Variants in RAD51B observed in about 807,000 individuals in gnomAD.
The protein encoded by RAD51B is RAD51 paralog B.
RAD51B carries 38 observed loss-of-function variants against 42.2 expected under a neutral mutation model. That is an observed-to-expected ratio of 0.90 (90% CI 0.70 to 1.18). The LOEUF (loss-of-function observed/expected upper bound fraction) is 1.18, where lower values mean the gene tolerates loss of function less well. Ranked by LOEUF, RAD51B falls within the 50% of genes most tolerant of loss-of-function variation. RAD51B has a pLI of 0.00. For missense variants in RAD51B, 373 were observed against 400.7 expected, an observed-to-expected ratio of 0.93 and a Z score of 0.59; for synonymous variants, 154 against 145.2, an observed-to-expected ratio of 1.06 and a Z score of -0.43.
At chr14:68,456,108 A>G (rs946549670) in intron 9 of RAD51B, among the ~76,000 whole-genome samples, 1 of 152,256 alleles carries the variant, frequency 6.6e-6, no homozygotes, top group Admixed American at 6.5e-5. Flanking sequence ...AAAATTGTAC[A>G]CTAGAAAAAT....
intron 10 of RAD51B, among the ~76,000 whole-genome samples, chr14:68,583,168 A>G (rs77460539): frequency 6.6e-6 from 1 of 152,164 alleles, no homozygotes; most frequent in Non-Finnish European, 1.5e-5. Flanking sequence ...AAAAAAATTT[A>G]AAAAAGAAAT....
At chr14:68,248,989 C>CG (rs2080561035) in intron 7 of RAD51B, among the ~76,000 whole-genome samples, 1 of 152,238 alleles carries the variant, frequency 6.6e-6, no homozygotes. Context: ...CGAATGGCAC[C>CG]AGGCCCTCTG....
At chr14:68,183,986 G>T (rs954561405) in intron 7 of RAD51B, among the ~76,000 whole-genome samples, 2 of 5,562 alleles carry the variant, frequency 3.6e-4, no homozygotes, top group Non-Finnish European at 1.0e-3. Context: ...CAGCTACTCG[G>T]GGGGGGTGAG....
At chr14:67,851,682 G>A (rs1283552302) in intron 4 of RAD51B, among the ~76,000 whole-genome samples, 1 of 152,114 alleles carries the variant, frequency 6.6e-6, no homozygotes, top group African/African-American at 2.4e-5. Flanking sequence ...GGAATGGGGA[G>A]CAGGTTGGGT....
chr14:68,428,743 A>G lies in RAD51B; in HGVS notation c.957+17216A>G, dbSNP rs1471458541. 1.1e-4 allele frequency among the ~76,000 whole-genome samples: 3 copies of G among 26,896 alleles called. 1 individual carries two copies. The highest frequency in any genetic ancestry group is 2.5e-4 in the African/African-American group (3 of 12,002). The allele number at this position is 26,896 out of a possible 152,430, so 17.6% of individuals were successfully genotyped here. A position where few individuals can be genotyped will look rare whatever the true frequency, so the allele number is the denominator to read the frequency against. On this transcript the variant is annotated intron_variant, in intron 9 of 10. Coordinates refer to ENST00000471583, the MANE Select transcript of RAD51B (RefSeq NM_133510.4). The stretch of plus-strand genomic sequence containing the variant: ...TATATATATATATATATATATATAT[A>G]TATATATATATATATATATATAATT...
At chr14:68,576,639 A>C (rs1285191740) in intron 10 of RAD51B, among the ~76,000 whole-genome samples, 2 of 152,222 alleles carry the variant, frequency 1.3e-5, no homozygotes, top group Non-Finnish European at 2.9e-5. Flanking sequence ...TTGGTACTTT[A>C]GAGCTTCTAG....
At chr14:68,108,277 C>G (rs2077407057) in intron 7 of RAD51B, among the ~76,000 whole-genome samples, 1 of 151,682 alleles carries the variant, frequency 6.6e-6, no homozygotes, top group Admixed American at 6.6e-5. Context: ...AGGTATATAC[C>G]CAAGAGAACT....
intron 7 of RAD51B, among the ~76,000 whole-genome samples, chr14:67,892,158 A>G (rs1349542476): frequency 6.6e-6 from 1 of 152,160 alleles, no homozygotes; most frequent in African/African-American, 2.4e-5. Context: ...CTTTTCCATA[A>G]ATGCTTACTG....
chr14:68,438,624 A>G (rs2085204981), intron 9 of RAD51B, among the ~76,000 whole-genome samples: 1 of 152,100 alleles, frequency 6.6e-6, no homozygotes, highest in African/African-American at 2.4e-5. Flanking sequence ...GCCTCCCACC[A>G]CTGTTTATAG....
intron 10 of RAD51B, chr14:68,540,166 C>CTT (rs11321834): frequency 0.062 from 34,492 of 559,694 alleles, 11 homozygotes; most frequent in Non-Finnish European, 0.069. Flanking sequence ...TACCCTGCTC[C>CTT]TTTTTTTTTT....
chr14:68,490,636 T>C (rs1339166692), intron 10 of RAD51B, among the ~76,000 whole-genome samples: 1 of 152,208 alleles, frequency 6.6e-6, no homozygotes, highest in Non-Finnish European at 1.5e-5. Flanking sequence ...AAAATTCTAT[T>C]ATTCAGACTC....
chr14:68,500,851 C>T (rs1884868098), intron 10 of RAD51B, among the ~76,000 whole-genome samples: 1 of 152,208 alleles, frequency 6.6e-6, no homozygotes, highest in Non-Finnish European at 1.5e-5. Flanking sequence ...CACCTCCCCA[C>T]ACAACTCCCT....
intron 7 of RAD51B, among the ~76,000 whole-genome samples, chr14:67,927,725 G>A (rs948428142): frequency 7.1e-6 from 1 of 140,738 alleles, no homozygotes. Context: ...GTGTGTGTGT[G>A]TGTGTATTAT....
intron 7 of RAD51B, among the ~76,000 whole-genome samples, chr14:68,270,104 A>G (rs1361599388): frequency 6.6e-6 from 1 of 152,182 alleles, no homozygotes; most frequent in Non-Finnish European, 1.5e-5. Context: ...TAACTTTGCA[A>G]CCTTAACTTC....
intron 7 of RAD51B, among the ~76,000 whole-genome samples, chr14:67,932,090 A>G (rs1306498959): frequency 1.3e-5 from 2 of 152,212 alleles, no homozygotes; most frequent in African/African-American, 4.8e-5. Flanking sequence ...AAGTGAGCAC[A>G]GTATTCAATA....
chr14:68,384,636 C>T (rs920777819), intron 8 of RAD51B, among the ~76,000 whole-genome samples: 5 of 152,188 alleles, frequency 3.3e-5, no homozygotes, highest in African/African-American at 1.2e-4. Flanking sequence ...GAAGATCTGA[C>T]TGAAGGAAAG....
chr14:68,331,446 T>TA (rs61574391), intron 8 of RAD51B, among the ~76,000 whole-genome samples: 5,936 of 143,216 alleles, frequency 0.041, 352 homozygotes, highest in African/African-American at 0.12. Context: ...ACTTAAAGTT[T>TA]AAAAAAAAAA....
In RAD51B at chr14:68,400,581, G is replaced by A. The variant is rs186687758; in HGVS notation, c.854-10843G>A. On this transcript the variant is annotated intron_variant, in intron 8 of 10. Transcript: ENST00000471583. Reference sequence around the variant, plus strand: ...GCCTGCTGCCTCTGACTCTACAATGGGAGCAGGAAAGCAAAGCTCATACCA... The same window carrying A: ...GCCTGCTGCCTCTGACTCTACAATGAGAGCAGGAAAGCAAAGCTCATACCA... Among the ~76,000 whole-genome samples, 349 of 152,294 alleles carry A rather than the reference G, an allele frequency of 2.3e-3. 5 individuals carry two copies. Among genetic ancestry groups the A allele is most frequent in the African/African-American group, 8.0e-3 (332 of 41,562 alleles).
intron 7 of RAD51B, among the ~76,000 whole-genome samples, chr14:67,956,884 A>G (rs1172097046): frequency 2.0e-5 from 3 of 152,248 alleles, no homozygotes; most frequent in African/African-American, 7.2e-5. Flanking sequence ...GAGCATTTCC[A>G]TTATTGTAGA....
Sources: gnomAD v4.1 joint callset for allele counts (sites outside exome capture counted in the v4.1 genomes callset) on GRCh38, gnomAD v4.1.1 for gene constraint, MANE v1.5 for transcripts, NCBI Gene and HGNC (gene_info 2026-07-23, HGNC 2026-07-21) for gene names.